SLC17A5: variants seen among roughly 807,000 people sequenced by gnomAD.
SLC17A5 encodes the protein solute carrier family 17 member 5, also known as sialin.
A neutral mutation model predicts 59.4 loss-of-function variants in SLC17A5; 47 were observed. That is an observed-to-expected ratio of 0.79 (90% CI 0.63 to 1.01). The LOEUF (loss-of-function observed/expected upper bound fraction) is 1.01, where lower values mean the gene tolerates loss of function less well. Ranked by LOEUF, SLC17A5 falls within the 50% of genes least tolerant of loss-of-function variation. The pLI, the probability that SLC17A5 is intolerant of heterozygous loss-of-function variation, is 0.00. For missense variants in SLC17A5, 522 were observed against 595.5 expected (o/e 0.88, Z 1.28); for synonymous variants, 202 against 210.7 (o/e 0.96, Z 0.36).
At chr6:73,617,771 C>T (rs530937226) in intron 7 of SLC17A5, among the ~76,000 whole-genome samples, 7 of 152,212 alleles carry the variant, frequency 4.6e-5, no homozygotes, top group African/African-American at 9.6e-5. Context: ...ACCTGAGAGG[C>T]GGAGGTTGCA....
intron 7 of SLC17A5, among the ~76,000 whole-genome samples, chr6:73,621,000 A>AATT (rs1554162719): frequency 1.3e-4 from 19 of 150,180 alleles, no homozygotes; most frequent in Non-Finnish European, 2.2e-4. Context: ...TGCTGGGATT[A>AATT]ATTATTATTA....
intron 7 of SLC17A5, among the ~76,000 whole-genome samples, chr6:73,617,188 G>A (rs1309761211): frequency 6.6e-6 from 1 of 152,042 alleles, no homozygotes; most frequent in Non-Finnish European, 1.5e-5. Context: ...TTACTTGGGA[G>A]GCTGAGGCAG....
At position 73,621,819 on chromosome 6, in the gene SLC17A5, C is replaced by T. The variant is rs1269522069; in HGVS notation, c.963G>A (p.Arg321=). 1 of 1,609,708 alleles carries T rather than the reference C, an allele frequency of 6.2e-7. No individual in the cohort carries two copies. The highest frequency in any genetic ancestry group is 8.5e-7 in the Non-Finnish European group (1 of 1,176,220). The stretch of plus-strand genomic sequence containing the variant: ...TTTTTCTTACCTCTTGAACATTGAA[C>T]CTTAGGATCTCCTTCATATAAGTAG... ...LLPTYMKEIL[R]FNVQENGFLS... is the part of the protein sequence containing the mutation. The change falls in exon 7 of 11, where the codon AGG becomes AGA. Residue 321 remains arginine (R), a synonymous_variant. Transcript: ENST00000355773.
At chr6:73,596,944 C>G (rs1041099321) in intron 10 of SLC17A5, among the ~76,000 whole-genome samples, 1 of 150,368 alleles carries the variant, frequency 6.7e-6, no homozygotes, top group Non-Finnish European at 1.5e-5. Flanking sequence ...GTGGATCACC[C>G]GAGGTCAGGA....
intron 7 of SLC17A5, among the ~76,000 whole-genome samples, chr6:73,616,837 C>T (rs190494668): frequency 6.6e-6 from 1 of 152,160 alleles, no homozygotes; most frequent in Non-Finnish European, 1.5e-5. Context: ...GAACTCCTGA[C>T]TTCAAGTGAT....
In SLC17A5 at chr6:73,644,437, A is replaced by C; in HGVS notation, c.261T>G (p.Ser87=). Residue 87 remains serine (S), a synonymous_variant, in exon 2 of 11, where the codon TCT becomes TCG. Transcript: ENST00000355773. ...NRTSKACPEH[S]APIKVHHNQT... ...GATTATGATGAACTTTTATGGGAGC[A>C]GAATGCTCTGGACACGCCTTGGAAG... The C allele has an allele frequency of 6.2e-7, 1 of 1,614,042 alleles. No individual in the cohort carries two copies. Among genetic ancestry groups the C allele is most frequent in the South Asian group, 1.1e-5 (1 of 91,040 alleles).
chr6:73,641,590 C>T (rs1482167146), intron 3 of SLC17A5, 101 bp downstream of exon 3: 13 of 841,618 alleles, frequency 1.5e-5, no homozygotes, highest in South Asian at 7.0e-5. Flanking sequence ...TATCATCCAA[C>T]GTTATTTTTT....
At chr6:73,604,130 C>T (rs778633483) in intron 9 of SLC17A5, among the ~76,000 whole-genome samples, 1 of 152,108 alleles carries the variant, frequency 6.6e-6, no homozygotes, top group African/African-American at 2.4e-5. Context: ...TTGGCAGAGC[C>T]TCTCTTTTTT....
chr6:73,636,437 C>T (rs1341553955), intron 5 of SLC17A5, among the ~76,000 whole-genome samples, 184 bp downstream of exon 5: 2 of 152,134 alleles, frequency 1.3e-5, no homozygotes, highest in East Asian at 3.9e-4. Context: ...TATTCCAAAA[C>T]TAACATCAGC....
intron 6 of SLC17A5, among the ~76,000 whole-genome samples, chr6:73,629,001 C>G (rs1768563958): frequency 6.6e-6 from 1 of 152,196 alleles, no homozygotes; most frequent in African/African-American, 2.4e-5. Flanking sequence ...ACTAAATATT[C>G]AAACCAAGGT....
Position 73,642,266 on chromosome 6 carries a change from C to T in SLC17A5, c.292-342G>A, listed in dbSNP as rs371684497. 1.1e-4 allele frequency among the ~76,000 whole-genome samples: 17 copies of T among 152,288 alleles called. 1 individual carries two copies. Among genetic ancestry groups the T allele is most frequent in the South Asian group, 4.2e-4 (2 of 4,818 alleles). The stretch of plus-strand genomic sequence containing the variant: ...GGGTATCTCTGAGCCTACTATGGCT[C>T]GGGAGGCTGCCGCCCCCCCGGCCCT... On this transcript the variant is annotated intron_variant, in intron 2 of 10. Transcript: ENST00000355773.
At chr6:73,649,889 A>C (rs1049764126) in intron 1 of SLC17A5, among the ~76,000 whole-genome samples, 1 of 152,184 alleles carries the variant, frequency 6.6e-6, no homozygotes, top group Non-Finnish European at 1.5e-5. Context: ...TCAGTGAAAC[A>C]CAGGAATGCT....
intron 1 of SLC17A5, 77 bp downstream of exon 1, chr6:73,653,716 C>T (rs1769980410): frequency 8.0e-6 from 11 of 1,376,572 alleles, no homozygotes; most frequent in Middle Eastern, 2.1e-4. Context: ...TGCGGGTACC[C>T]GGGCCATGCC....
intron 7 of SLC17A5, among the ~76,000 whole-genome samples, chr6:73,619,574 ACACATTGATTTT>A (rs1203263252): frequency 6.7e-6 from 1 of 150,332 alleles, no homozygotes; most frequent in South Asian, 2.1e-4. Flanking sequence ...CATGAATGTA[ACACATTGATTTT>A]CAAGAAAAAA....
intron 8 of SLC17A5, 114 bp from the exon 9 acceptor site, chr6:73,610,661 T>C (rs1581962714): frequency 7.8e-6 from 9 of 1,155,638 alleles, no homozygotes; most frequent in East Asian, 5.0e-5. Context: ...AGAAACACTA[T>C]ATTGCCTGGA....
chr6:73,596,847 A>G (rs898465494), intron 10 of SLC17A5, among the ~76,000 whole-genome samples: 2 of 147,884 alleles, frequency 1.4e-5, no homozygotes, highest in African/African-American at 5.1e-5. Context: ...ACAGAGCAAG[A>G]CTCCCTCTCA....
At chr6:73,636,561 G>A (rs1769010515) in intron 5 of SLC17A5, 60 bp downstream of exon 5, 1 of 923,724 alleles carries the variant, frequency 1.1e-6, no homozygotes, top group Admixed American at 1.8e-5. Flanking sequence ...ACATTATTAG[G>A]CTACTATTAT....
At chr6:73,636,749 G>C in intron 4 of SLC17A5, 42 bp from the exon 5 acceptor site, 1 of 1,421,014 alleles carries the variant, frequency 7.0e-7, no homozygotes, top group Non-Finnish European at 1.0e-6. Context: ...TTTGGAGAGA[G>C]AAACAAGGAT....
chr6:73,601,286 G>C (rs569110687), intron 9 of SLC17A5, among the ~76,000 whole-genome samples: 2 of 143,478 alleles, frequency 1.4e-5, no homozygotes, highest in East Asian at 4.1e-4. Flanking sequence ...CGTCTGAGAA[G>C]TGAGGAGCCC....
Sources: allele counts gnomAD v4.1 joint callset (sites outside exome capture counted in the v4.1 genomes callset), GRCh38; gene constraint gnomAD v4.1.1; transcripts MANE v1.5; gene names NCBI Gene and HGNC (gene_info 2026-07-23, HGNC 2026-07-21).